USP40: variants seen among roughly 807,000 people sequenced by gnomAD.
The protein encoded by USP40 is ubiquitin specific peptidase 40, also known as ubiquitin carboxyl-terminal hydrolase 40.
Under a neutral mutation model 166.2 loss-of-function variants are expected in USP40, and 143 were observed. The observed-to-expected ratio is 0.86, with a 90% CI of 0.75 to 0.99. The LOEUF (loss-of-function observed/expected upper bound fraction) is 0.99. USP40 is among the 50% of genes least tolerant of loss of function. The pLI is 0.00. For synonymous variants in USP40, 498 were observed against 524.0 expected, an observed-to-expected ratio of 0.95 and a Z score of 0.68; for missense variants, 1,444 against 1,479.7, an observed-to-expected ratio of 0.98 and a Z score of 0.40.
In USP40 at chr2:233,525,523, C is replaced by A; in HGVS notation, c.1765G>T (p.Ala589Ser). The change falls in exon 14 of 32, where the codon GCA becomes TCA. Residue 589 changes from alanine (A) to serine (S), a missense_variant. Ala to Ser is a moderately conservative substitution (Grantham distance 99). Transcript: ENST00000678225. Reference protein sequence around the residue: ...FWEGDMVLSVAKLVPAGLHIY... With the variant: ...FWEGDMVLSVSKLVPAGLHIY... ...TGAAGTCCTGCTGGTACAAGCTTTG[C>A]AACACTAAGAACCATGTCTCCTTCC... 1 of 1,613,100 alleles carries A rather than the reference C, an allele frequency of 6.2e-7. No individual in the cohort carries two copies. Among genetic ancestry groups the A allele is most frequent in the Non-Finnish European group, 8.5e-7 (1 of 1,179,402 alleles).
rs190369843 is a variant in USP40 at position 233,526,627 on chromosome 2, C to T, written c.1725+780G>A. ...ATTTCTGGGAAAAAACACAAAAAAGCTAACATTTTCTATCTCCCTTTTCCT... is the reference window on the plus strand; with the variant it reads ...ATTTCTGGGAAAAAACACAAAAAAGTTAACATTTTCTATCTCCCTTTTCCT... On this transcript the variant is annotated intron_variant, in intron 13 of 31. Coordinates refer to ENST00000678225, the MANE Select transcript of USP40 (RefSeq NM_001365479.2). Among the ~76,000 whole-genome samples, 298 of 152,116 alleles carry T rather than the reference C, an allele frequency of 2.0e-3. 2 individuals are homozygous for T. The highest frequency in any genetic ancestry group is 3.4e-3 in the Non-Finnish European group (231 of 67,984).
At chr2:233,510,707 A>G (rs184734977) in intron 20 of USP40, among the ~76,000 whole-genome samples, 83 of 152,196 alleles carry the variant, frequency 5.5e-4, no homozygotes, top group Non-Finnish European at 1.0e-3. Flanking sequence ...CCCGGCCAAC[A>G]TACACTATTT....
intron 8 of USP40, among the ~76,000 whole-genome samples, chr2:233,543,765 T>C (rs2069642632): frequency 1.3e-5 from 2 of 152,172 alleles, no homozygotes; most frequent in Non-Finnish European, 2.9e-5. Context: ...ATTTCTGTTG[T>C]TTACAAATTA....
intron 16 of USP40, 149 bp from the exon 17 acceptor site, chr2:233,521,263 A>G (rs2067632726): frequency 3.8e-6 from 3 of 792,842 alleles, no homozygotes; most frequent in Non-Finnish European, 5.7e-6. Context: ...TTGCAGGGTA[A>G]TGTTAGGCAG....
rs756557377 is a variant in USP40, at chr2:233,523,144, T to A, written c.2201+26A>T. On this transcript the variant is annotated intron_variant, in intron 16 of 31. Coordinates refer to ENST00000678225, the MANE Select transcript of USP40 (RefSeq NM_001365479.2). ...CTGTAATTAAAATGACTTTTAGAAA[T>A]CCTTTTTCTCTTGTTAGCGAGTTAC... 3.2e-6 allele frequency: 5 copies of A among 1,576,088 alleles called. No individual in the cohort carries two copies. In the South Asian group the frequency reaches 4.7e-5, roughly 15 times the overall value.
chr2:233,497,231 C>T (rs941817067), intron 23 of USP40, among the ~76,000 whole-genome samples: 1 of 152,078 alleles, frequency 6.6e-6, no homozygotes, highest in Non-Finnish European at 1.5e-5. Context: ...TTTGGTAAAG[C>T]GCTAAAGCCA....
At position 233,556,931 on chromosome 2, in the gene USP40, A is replaced by C. The variant is rs750320082; in HGVS notation, c.470T>G (p.Leu157Arg). ...GGTTCCATGGTACAGACGATAGATGAGGTCATGACCGGAGGTCCCAACTAA... is the reference window on the plus strand; with the variant it reads ...GGTTCCATGGTACAGACGATAGATGCGGTCATGACCGGAGGTCCCAACTAA... ...TSLVGTSGHD[L>R]IYRLYHGTIV... Residue 157 changes from leucine (L) to arginine (R), a missense_variant, in exon 5 of 32, where the codon CTC becomes CGC. Leu to Arg is a moderately radical substitution (Grantham distance 102). Coordinates refer to ENST00000678225, the MANE Select transcript of USP40 (RefSeq NM_001365479.2). 1.2e-6 allele frequency: 2 copies of C among 1,613,998 alleles called. No individual in the cohort carries two copies. The highest frequency in any genetic ancestry group is 1.7e-6 in the Non-Finnish European group (2 of 1,179,844).
chr2:233,478,256 G>A (rs1422640810), intron 31 of USP40, among the ~76,000 whole-genome samples: 3 of 152,236 alleles, frequency 2.0e-5, no homozygotes, highest in African/African-American at 7.2e-5. Flanking sequence ...AGGAGGTACT[G>A]TCCTGAGTTC....
intron 23 of USP40, among the ~76,000 whole-genome samples, chr2:233,498,135 A>G (rs2065854477): frequency 6.6e-6 from 1 of 152,238 alleles, no homozygotes; most frequent in Admixed American, 6.5e-5. Flanking sequence ...GTTTGGACCA[A>G]AGCCTAACTT....
intron 1 of USP40, 98 bp from the exon 2 acceptor site, chr2:233,565,671 A>C (rs2072080424): frequency 9.7e-7 from 1 of 1,034,576 alleles, no homozygotes; most frequent in Non-Finnish European, 1.4e-6. Flanking sequence ...TGTTTCTTAG[A>C]ACACAGGACT....
At chr2:233,498,256 T>C (rs906753485) in intron 23 of USP40, among the ~76,000 whole-genome samples, 1 of 152,226 alleles carries the variant, frequency 6.6e-6, no homozygotes, top group African/African-American at 2.4e-5. Flanking sequence ...CTTCATGAGC[T>C]CAAATGTCAT....
In USP40 at chr2:233,566,746, G is replaced by A. The variant is rs1018510206; in HGVS notation, c.-82C>T. The A allele has an allele frequency of 9.1e-6, 9 of 985,830 alleles. No individual in the cohort carries two copies. The highest frequency in any genetic ancestry group is 1.2e-4 in the Admixed American group (2 of 16,274). The allele number at this position is 985,830 out of a possible 1,614,324, so 61.1% of individuals were successfully genotyped here. On this transcript the variant is annotated 5_prime_UTR_variant, in exon 1 of 32. Transcript: ENST00000678225. ...AAGCGAACGAACCCGCCCCAACTGG[G>A]CGCCGCCATGTTGGCGAGGGCGGGT...
At chr2:233,511,638 G>C (rs2066843199) in intron 20 of USP40, 71 bp downstream of exon 20, 4 of 1,176,416 alleles carry the variant, frequency 3.4e-6, no homozygotes, top group Non-Finnish European at 4.9e-6. Flanking sequence ...TACTGGAGTA[G>C]CTAAGGTACT....
chr2:233,559,401 T>A (rs1173777257), intron 4 of USP40, among the ~76,000 whole-genome samples: 1 of 152,218 alleles, frequency 6.6e-6, no homozygotes, highest in Non-Finnish European at 1.5e-5. Flanking sequence ...AAAGAATTTT[T>A]AAAAATTTAC....
At chr2:233,539,073 A>G (rs1373440289) in intron 10 of USP40, among the ~76,000 whole-genome samples, 3 of 152,180 alleles carry the variant, frequency 2.0e-5, no homozygotes, top group South Asian at 2.1e-4. Flanking sequence ...TAACAATCCT[A>G]AATGTGTATG....
Position 233,551,405 on chromosome 2 carries a change from G to A in USP40, c.808C>T (p.Arg270Trp), listed in dbSNP as rs557915659. 1.6e-5 allele frequency: 25 copies of A among 1,610,412 alleles called. No individual in the cohort carries two copies. The highest frequency in any genetic ancestry group is 1.7e-4 in the Middle Eastern group (1 of 6,044). Reference protein sequence around the residue: ...KETSCYTFPLRINLKPFCEQS... With the variant: ...KETSCYTFPLWINLKPFCEQS... The stretch of plus-strand genomic sequence containing the variant: ...TCACAAAAGGGCTTGAGATTAATCC[G>A]GAGAGGGAATGTATAACAGCTAGTT... The change falls in exon 7 of 32, where the codon CGG becomes TGG. Residue 270 changes from arginine (R) to tryptophan (W), a missense_variant. Physicochemically the swap from Arg to Trp is moderately radical, Grantham distance 101 (BLOSUM62 -3). Coordinates refer to ENST00000678225, the MANE Select transcript of USP40 (RefSeq NM_001365479.2).
At chr2:233,508,308 T>A (rs1215239413) in intron 21 of USP40, among the ~76,000 whole-genome samples, 1 of 152,232 alleles carries the variant, frequency 6.6e-6, no homozygotes, top group Non-Finnish European at 1.5e-5. Context: ...TCCAAAGAAG[T>A]CCATACATTG....
intron 12 of USP40, 37 bp downstream of exon 12, chr2:233,529,394 G>C (rs1392238055): frequency 1.3e-6 from 2 of 1,505,066 alleles, no homozygotes; most frequent in Non-Finnish European, 1.8e-6. Context: ...TTATTCTCCG[G>C]AATACTAGTC....
chr2:233,491,194 ATCT>A lies in USP40; in HGVS notation c.2982_2984del (p.Glu994del). 6.2e-7 allele frequency: 1 copy of A among 1,610,944 alleles called. No individual in the cohort carries two copies. Among genetic ancestry groups the A allele is most frequent in the Non-Finnish European group, 8.5e-7 (1 of 1,178,690 alleles). On this transcript the variant is annotated inframe_deletion, in exon 26 of 32. Transcript: ENST00000678225. ...GAGACTTCAGCTCCGCCAGCGTGGC[ATCT>A]TCTGAGATCTCTATGTCTCCCAAGT...
Sources: allele counts gnomAD v4.1 joint callset (sites outside exome capture counted in the v4.1 genomes callset), GRCh38; gene constraint gnomAD v4.1.1; transcripts MANE v1.5; gene names NCBI Gene and HGNC (gene_info 2026-07-23, HGNC 2026-07-21).